Variants in ZBTB20 observed in about 807,000 individuals in gnomAD.
ZBTB20 encodes the protein zinc finger and BTB domain containing 20.
Under a neutral mutation model 56.9 loss-of-function variants are expected in ZBTB20, and 9 were observed. That is an observed-to-expected ratio of 0.16 (90% CI 0.10 to 0.28). The LOEUF is 0.28. Ranked by LOEUF, ZBTB20 falls within the 10% of genes least tolerant of loss-of-function variation. ZBTB20 has a pLI of 1.00. For missense variants in ZBTB20, 655 were observed against 1,003.0 expected, an observed-to-expected ratio of 0.65 and a Z score of 4.69; for synonymous variants, 417 against 420.7, an observed-to-expected ratio of 0.99 and a Z score of 0.11.
At chr3:115,075,741 G>A (rs1366174615) in intron 1 of ZBTB20, among the ~76,000 whole-genome samples, 6 of 152,112 alleles carry the variant, frequency 3.9e-5, no homozygotes, top group East Asian at 1.9e-4. Flanking sequence ...GTTCACTCTC[G>A]GCACTTCTAT....
chr3:114,816,024 A>G (rs1346535860), intron 4 of ZBTB20, among the ~76,000 whole-genome samples: 2 of 152,196 alleles, frequency 1.3e-5, no homozygotes, highest in East Asian at 3.8e-4. Context: ...CATCTCTCTC[A>G]AGAGTCTAAT....
rs536579642 is a variant in ZBTB20, at chr3:114,863,158, A to G, written c.-417+37146T>C. Among the ~76,000 whole-genome samples, 115 of 152,212 alleles carry G rather than the reference A, an allele frequency of 7.6e-4. 2 individuals are homozygous for G. The highest frequency in any genetic ancestry group is 2.6e-3 in the African/African-American group (107 of 41,556). ...GGTTTTCTTCTGAGTAGCCAGGAGG[A>G]CATTATAGCAAAAAGTAAGTATACT... On this transcript the variant is annotated intron_variant, in intron 4 of 11. Transcript: ENST00000675478.
intron 5 of ZBTB20, among the ~76,000 whole-genome samples, chr3:114,799,189 T>C (rs2071542308): frequency 6.6e-6 from 1 of 151,892 alleles, no homozygotes; most frequent in African/African-American, 2.4e-5. Context: ...ATCTATAATA[T>C]GGCAAGACGA....
chr3:114,677,127 G>C (rs1412791838), intron 6 of ZBTB20, among the ~76,000 whole-genome samples: 1 of 152,018 alleles, frequency 6.6e-6, no homozygotes, highest in African/African-American at 2.4e-5. Context: ...AGCTCACCTC[G>C]GTCATCAGCT....
At chr3:115,116,257 A>G (rs934056083) in intron 1 of ZBTB20, among the ~76,000 whole-genome samples, 4 of 152,060 alleles carry the variant, frequency 2.6e-5, no homozygotes, top group African/African-American at 9.6e-5. Flanking sequence ...ATGCTCTGAT[A>G]TTGCCCAGCT....
intron 6 of ZBTB20, among the ~76,000 whole-genome samples, chr3:114,666,016 G>T (rs1435575768): frequency 6.6e-6 from 1 of 151,998 alleles, no homozygotes; most frequent in Non-Finnish European, 1.5e-5. Flanking sequence ...TTTAGCTATT[G>T]TCACTATCCT....
rs60778829 is a variant in ZBTB20 at position 114,426,337 on chromosome 3, CAAAAAAAAAAA to C, written c.-254-37243_-254-37233del. Among the ~76,000 whole-genome samples the C allele has an allele frequency of 5.6e-3, 608 of 109,514 alleles. 7 individuals are homozygous for C. The highest frequency in any genetic ancestry group is 0.025 in the African/African-American group (575 of 23,214). 71.8% of individuals were successfully genotyped at this position (109,514 alleles called of 152,430 possible). ...TGGGTGACAGAGCAAGACTCCATCT[CAAAAAAAAAAA>C]AAAAAAAAAAAAAAAAAAAAAAATT... is the stretch of plus-strand genomic sequence containing the variant. On this transcript the variant is annotated intron_variant, in intron 7 of 11. Transcript: ENST00000675478.
intron 7 of ZBTB20, among the ~76,000 whole-genome samples, chr3:114,465,064 A>G (rs1171027802): frequency 6.9e-6 from 1 of 144,822 alleles, no homozygotes; most frequent in East Asian, 2.0e-4. Context: ...AAAAACCTAA[A>G]TTCTTGTACT....
intron 2 of ZBTB20, among the ~76,000 whole-genome samples, chr3:115,005,358 T>C (rs1269864026): frequency 6.6e-6 from 1 of 151,760 alleles, no homozygotes; most frequent in Non-Finnish European, 1.5e-5. Flanking sequence ...TGACCCCAAA[T>C]ATATCATGAA....
chr3:114,667,898 T>G (rs1054928078), intron 6 of ZBTB20, among the ~76,000 whole-genome samples: 2 of 151,984 alleles, frequency 1.3e-5, no homozygotes, highest in African/African-American at 4.8e-5. Flanking sequence ...CAGGCCCACA[T>G]GCTCACAAGC....
intron 6 of ZBTB20, among the ~76,000 whole-genome samples, chr3:114,692,244 C>T (rs976638876): frequency 1.3e-5 from 2 of 152,034 alleles, no homozygotes; most frequent in South Asian, 2.1e-4. Context: ...CTTACTAATA[C>T]GAGTTTCTTT....
intron 6 of ZBTB20, among the ~76,000 whole-genome samples, chr3:114,576,501 C>CAAAAAAAAAAAAAAAAAAAAAAA (rs61714991): frequency 4.2e-5 from 1 of 24,080 alleles, no homozygotes; most frequent in Non-Finnish European, 7.7e-5. Context: ...GACTCCGTCT[C>CAAAAAAAAAAAAAAAAAAAAAAA]AAAAAAAAAA....
chr3:115,115,836 C>T (rs997612191), intron 1 of ZBTB20, among the ~76,000 whole-genome samples: 1 of 151,954 alleles, frequency 6.6e-6, no homozygotes, highest in African/African-American at 2.4e-5. Context: ...AATGCCTTAC[C>T]AATGAAATGG....
intron 5 of ZBTB20, among the ~76,000 whole-genome samples, chr3:114,698,904 A>G (rs897444394): frequency 1.3e-5 from 2 of 152,150 alleles, no homozygotes; most frequent in African/African-American, 4.8e-5. Flanking sequence ...ATACTCAGCA[A>G]ATATTTATTG....
intron 8 of ZBTB20, among the ~76,000 whole-genome samples, chr3:114,386,760 GT>G (rs923640646): frequency 1.3e-5 from 2 of 152,198 alleles, no homozygotes; most frequent in Non-Finnish European, 2.9e-5. Context: ...TGGTTCTGGG[GT>G]TTTTTTGGGG....
At chr3:114,810,082 TAC>T (rs10608546) in intron 4 of ZBTB20, among the ~76,000 whole-genome samples, 6,077 of 152,306 alleles carry the variant, frequency 0.04, 425 homozygotes, top group African/African-American at 0.14. Flanking sequence ...AATTGATATA[TAC>T]GTGTGTGTGG....
chr3:114,828,561 C>T (rs2073675694), intron 4 of ZBTB20, among the ~76,000 whole-genome samples: 1 of 151,796 alleles, frequency 6.6e-6, no homozygotes. Context: ...TTTATTTCTA[C>T]ATTAAAATAT....
intron 6 of ZBTB20, among the ~76,000 whole-genome samples, chr3:114,650,187 TA>T (rs1231771971): frequency 6.6e-6 from 1 of 151,130 alleles, no homozygotes; most frequent in African/African-American, 2.4e-5. Context: ...CTGAAAAAAT[TA>T]TTCACAAAGA....
rs138021689 is a variant in ZBTB20, at chr3:115,023,862, G to A, written c.-507+47357C>T. On this transcript the variant is annotated intron_variant, in intron 2 of 11. Coordinates refer to ENST00000675478, the MANE Select transcript of ZBTB20 (RefSeq NM_001348800.3). ...TAACCAGTACTTCCAAGCATAACTA[G>A]TTCAATCATAAAAGTTCATTTAAGA... Among the ~76,000 whole-genome samples, 622 of 151,036 alleles carry A rather than the reference G, an allele frequency of 4.1e-3. 4 individuals carry two copies. The highest frequency in any genetic ancestry group is 0.014 in the African/African-American group (591 of 41,364).
Sources: gnomAD v4.1 joint callset for allele counts (sites outside exome capture counted in the v4.1 genomes callset) on GRCh38, gnomAD v4.1.1 for gene constraint, MANE v1.5 for transcripts, NCBI Gene and HGNC (gene_info 2026-07-23, HGNC 2026-07-21) for gene names.